CACNA1C: variants seen among roughly 807,000 people sequenced by gnomAD.
The protein encoded by CACNA1C is calcium voltage-gated channel subunit alpha1 C, also known as voltage-dependent L-type calcium channel subunit alpha-1C.
A neutral mutation model predicts 229.0 loss-of-function variants in CACNA1C; 30 were observed. That is an observed-to-expected ratio of 0.13 (90% confidence interval 0.10 to 0.18). CACNA1C has a LOEUF of 0.18. CACNA1C is among the 10% of genes least tolerant of loss of function. The pLI, the probability that CACNA1C is intolerant of heterozygous loss-of-function variation, is 1.00. For missense variants in CACNA1C, 1,658 were observed against 2,845.0 expected (o/e 0.58, Z 9.49); for synonymous variants, 1,114 against 1,132.5 (o/e 0.98, Z 0.33).
chr12:2,119,721 C>T (rs1332047188), intron 2 of CACNA1C, among the ~76,000 whole-genome samples: 2 of 152,126 alleles, frequency 1.3e-5, no homozygotes, highest in African/African-American at 4.8e-5. Context: ...GACAGCTTTC[C>T]TTCCCTACAC....
At chr12:2,398,300 T>C (rs1303789055) in intron 3 of CACNA1C, among the ~76,000 whole-genome samples, 2 of 152,178 alleles carry the variant, frequency 1.3e-5, no homozygotes, top group Non-Finnish European at 2.9e-5. Flanking sequence ...CCAAGAAAAT[T>C]GTATTGAGCT....
chr12:2,439,940 G>A (rs2099202397), intron 3 of CACNA1C, among the ~76,000 whole-genome samples: 1 of 152,074 alleles, frequency 6.6e-6, no homozygotes, highest in Admixed American at 6.6e-5. Context: ...AGCAGAGGCT[G>A]CTGCAGAAGA....
At chr12:2,389,673 A>C (rs2098452037) in intron 3 of CACNA1C, among the ~76,000 whole-genome samples, 2 of 152,074 alleles carry the variant, frequency 1.3e-5, no homozygotes, top group Admixed American at 1.3e-4. Context: ...ATTGCCTCCT[A>C]ATTGTCTACA....
intron 34 of CACNA1C, among the ~76,000 whole-genome samples, chr12:2,657,163 G>A (rs927670571): frequency 6.6e-6 from 1 of 152,118 alleles, no homozygotes; most frequent in Non-Finnish European, 1.5e-5. Context: ...AGAATGAGCA[G>A]AGTAATGATA....
intron 3 of CACNA1C, among the ~76,000 whole-genome samples, chr12:2,172,017 G>A (rs1288136148): frequency 6.6e-6 from 1 of 152,184 alleles, no homozygotes; most frequent in African/African-American, 2.4e-5. Flanking sequence ...CCGAGCTGTG[G>A]GAGAGCGTGA....
Position 2,097,284 on chromosome 12 carries a change from T to C in CACNA1C, c.50-17940T>C, listed in dbSNP as rs1399482283. 2.0e-5 allele frequency among the ~76,000 whole-genome samples: 3 copies of C among 152,240 alleles called. No individual in the cohort carries two copies. In the East Asian group the frequency reaches 5.8e-4, roughly 29 times the overall value. Reference sequence around the variant, plus strand: ...CCTCAGCCTCCCGTGTAGCTGGGACTACAGGCGCCTGCCACCACGCCCAGC... The same window carrying C: ...CCTCAGCCTCCCGTGTAGCTGGGACCACAGGCGCCTGCCACCACGCCCAGC... On this transcript the variant is annotated intron_variant, in intron 1 of 46. Transcript: ENST00000399655.
chr12:2,194,329 CCTCTGTG>C (rs2097336806), intron 3 of CACNA1C, among the ~76,000 whole-genome samples: 1 of 151,220 alleles, frequency 6.6e-6, no homozygotes, highest in African/African-American at 2.4e-5. Flanking sequence ...CGTTCCTCCT[CCTCTGTG>C]CTCTTCCTCC....
intron 2 of CACNA1C, among the ~76,000 whole-genome samples, chr12:2,115,928 A>G (rs915155557): frequency 2.6e-5 from 4 of 152,220 alleles, no homozygotes; most frequent in East Asian, 1.9e-4. Flanking sequence ...CGTTAGTTAC[A>G]TGCTGCCTCA....
In CACNA1C at chr12:2,463,869, C is replaced by T. The variant is rs563601326; in HGVS notation, c.757+6163C>T. Reference sequence around the variant, plus strand: ...TCTGCTGTGAGCATCCACTCTCCCACTGCAGCCGTGCTGTGGAGCATGCGT... The same window carrying T: ...TCTGCTGTGAGCATCCACTCTCCCATTGCAGCCGTGCTGTGGAGCATGCGT... On this transcript the variant is annotated intron_variant, in intron 5 of 46. Transcript: ENST00000399655. 5.9e-5 allele frequency among the ~76,000 whole-genome samples: 9 copies of T among 152,330 alleles called. No homozygotes were observed. In the East Asian group the frequency reaches 1.7e-3, roughly 29 times the overall value.
chr12:2,590,591 T>G (rs183257199), intron 18 of CACNA1C, among the ~76,000 whole-genome samples: 2 of 152,272 alleles, frequency 1.3e-5, no homozygotes, highest in East Asian at 1.9e-4. Context: ...TCCTCTTAAG[T>G]ACTGTGCCTG....
intron 3 of CACNA1C, among the ~76,000 whole-genome samples, chr12:2,366,612 G>T (rs1012376169): frequency 6.6e-6 from 1 of 151,944 alleles, no homozygotes; most frequent in Non-Finnish European, 1.5e-5. Context: ...TAAAAATCCG[G>T]GTTTCAACTT....
chr12:2,450,776 G>T (rs1347414481), intron 4 of CACNA1C, among the ~76,000 whole-genome samples: 1 of 152,092 alleles, frequency 6.6e-6, no homozygotes, highest in Non-Finnish European at 1.5e-5. Flanking sequence ...AGGTCAGAAT[G>T]TCAGGAGCTC....
At chr12:2,498,921 A>G (rs1250800987) in intron 7 of CACNA1C, among the ~76,000 whole-genome samples, 2 of 152,244 alleles carry the variant, frequency 1.3e-5, no homozygotes, top group Non-Finnish European at 2.9e-5. Context: ...ACATGATGTC[A>G]GCACATGAGT....
intron 3 of CACNA1C, among the ~76,000 whole-genome samples, chr12:2,254,293 C>A (rs1375130580): frequency 2.6e-5 from 4 of 152,260 alleles, no homozygotes; most frequent in South Asian, 2.1e-4. Context: ...CGACCCCAGA[C>A]TCTGTCTGTC....
chr12:2,420,102 G>GGTGTGTGTGTGTGTGTGTGTGT lies in CACNA1C; in HGVS notation c.478-28849_478-28828dup, dbSNP rs564990323. On this transcript the variant is annotated intron_variant, in intron 3 of 46. Coordinates refer to ENST00000399655, the MANE Select transcript of CACNA1C (RefSeq NM_000719.7). ...CAGGGTAATCAGACTTAGGCAAAATGGTGTGTGTGTGTGTGTGTGTGTGTG... is the reference window on the plus strand; with the variant it reads ...CAGGGTAATCAGACTTAGGCAAAATGGTGTGTGTGTGTGTGTGTGTGTGTGTGTGTGTGTGTGTGTGTGTGTG... Among the ~76,000 whole-genome samples, 800 of 125,462 alleles carry GGTGTGTGTGTGTGTGTGTGTGT rather than the reference G, an allele frequency of 6.4e-3. 21 individuals are homozygous for GGTGTGTGTGTGTGTGTGTGTGT. Among genetic ancestry groups the GGTGTGTGTGTGTGTGTGTGTGT allele is most frequent in the African/African-American group, 0.015 (434 of 28,574 alleles). 82.3% of individuals were successfully genotyped at this position (125,462 alleles called of 152,430 possible).
In CACNA1C at chr12:2,550,024, C is replaced by T; in HGVS notation, c.1472C>T (p.Ala491Val). 6.2e-7 allele frequency: 1 copy of T among 1,603,474 alleles called. No individual in the cohort carries two copies. The highest frequency in any genetic ancestry group is 8.5e-7 in the Non-Finnish European group (1 of 1,174,716). ...GACATCGAGGGAGAAAACTGCGGGG[C>T]CAGGCTGGCGTGAGTAGGCACGGCG... The part of the protein sequence containing the change: ...GGDIEGENCG[A>V]RLAHRISKSK... The change falls in exon 10 of 47, where the codon GCC (alanine) becomes GTC (valine). Residue 491 changes from alanine (A) to valine (V), a missense_variant. Physicochemically the swap from Ala to Val is moderately conservative, Grantham distance 64. Coordinates refer to ENST00000399655, the MANE Select transcript of CACNA1C (RefSeq NM_000719.7).
intron 7 of CACNA1C, among the ~76,000 whole-genome samples, chr12:2,498,640 G>A (rs2099752140): frequency 1.3e-5 from 2 of 152,236 alleles, no homozygotes; most frequent in African/African-American, 4.8e-5. Context: ...GACATGCGGA[G>A]GAACACAGCT....
chr12:2,167,901 C>T (rs2096304716), intron 3 of CACNA1C, among the ~76,000 whole-genome samples: 1 of 152,196 alleles, frequency 6.6e-6, no homozygotes, highest in South Asian at 2.1e-4. Flanking sequence ...GTTCTGCCTG[C>T]TTTGAGTTGC....
intron 3 of CACNA1C, among the ~76,000 whole-genome samples, chr12:2,391,430 C>G (rs1015948342): frequency 5.3e-5 from 8 of 152,140 alleles, no homozygotes; most frequent in Non-Finnish European, 1.5e-5. Context: ...CGTCTAACCC[C>G]AAAGAAAGGG....
Sources: gnomAD v4.1 joint callset for allele counts (sites outside exome capture counted in the v4.1 genomes callset) on GRCh38, gnomAD v4.1.1 for gene constraint, MANE v1.5 for transcripts, NCBI Gene and HGNC (gene_info 2026-07-23, HGNC 2026-07-21) for gene names.